KIAA1549L: variants seen among roughly 807,000 people sequenced by gnomAD.
KIAA1549L encodes the protein UPF0606 protein KIAA1549L.
A neutral mutation model predicts 160.7 loss-of-function variants in KIAA1549L; 88 were observed. The observed-to-expected ratio is 0.55, with a 90% CI of 0.46 to 0.65. The LOEUF (loss-of-function observed/expected upper bound fraction) is 0.65, where lower values mean the gene tolerates loss of function less well. KIAA1549L is among the 30% of genes least tolerant of loss of function. KIAA1549L has a pLI of 0.00. For synonymous variants in KIAA1549L, 950 were observed against 976.7 expected (o/e 0.97, Z 0.51); for missense variants, 2,258 against 2,437.5 (o/e 0.93, Z 1.55).
chr11:33,550,956 A>C, intron 4 of KIAA1549L, 84 bp from the exon 5 acceptor site: 1 of 1,072,626 alleles, frequency 9.3e-7, no homozygotes, highest in East Asian at 2.4e-5. Context: ...TGTTTCTAAC[A>C]GCCGTGGTTC....
In KIAA1549L at chr11:33,558,805, A is replaced by G. The variant is rs188048857; in HGVS notation, c.3856-944A>G. Among the ~76,000 whole-genome samples the G allele has an allele frequency of 1.2e-3, 176 of 152,164 alleles. 1 individual carries two copies. Among genetic ancestry groups the G allele is most frequent in the African/African-American group, 4.1e-3 (169 of 41,516 alleles). On this transcript the variant is annotated intron_variant, in intron 6 of 20. Transcript: ENST00000658780. ...AGGAAATGTAATTGCTCTGTAAAGA[A>G]CATACTCTATATTTCTGAATTCCTT...
chr11:33,461,847 A>G (rs1410831028), intron 1 of KIAA1549L, among the ~76,000 whole-genome samples: 1 of 152,210 alleles, frequency 6.6e-6, no homozygotes, highest in Admixed American at 6.5e-5. Flanking sequence ...GTCTAGGATC[A>G]CCCAGCTAGT....
intron 16 of KIAA1549L, among the ~76,000 whole-genome samples, chr11:33,621,095 G>C (rs960387910): frequency 6.6e-6 from 1 of 152,198 alleles, no homozygotes; most frequent in Admixed American, 6.5e-5. Context: ...CTGGGAGATT[G>C]ATTTAATTTT....
intron 11 of KIAA1549L, among the ~76,000 whole-genome samples, chr11:33,590,804 CAT>C (rs149644024): frequency 0.043 from 6,561 of 152,244 alleles, 468 homozygotes; most frequent in African/African-American, 0.15. Context: ...CAAAGTCACA[CAT>C]GTGCTATTAC....
intron 1 of KIAA1549L, among the ~76,000 whole-genome samples, chr11:33,465,081 A>AGT (rs1458504436): frequency 8.8e-6 from 1 of 113,068 alleles, no homozygotes; most frequent in East Asian, 2.6e-4. Flanking sequence ...TTTGAGACAG[A>AGT]GTCTCACTCT....
At chr11:33,501,605 T>C (rs1489830327) in intron 1 of KIAA1549L, among the ~76,000 whole-genome samples, 1 of 152,152 alleles carries the variant, frequency 6.6e-6, no homozygotes, top group African/African-American at 2.4e-5. Context: ...TGTAAATACT[T>C]TGAGATACTT....
chr11:33,493,931 TCC>T (rs1852755860), intron 1 of KIAA1549L, among the ~76,000 whole-genome samples: 1 of 152,184 alleles, frequency 6.6e-6, no homozygotes, highest in Non-Finnish European at 1.5e-5. Context: ...AGCAGTCCTA[TCC>T]CAGGGCAATT....
intron 1 of KIAA1549L, among the ~76,000 whole-genome samples, chr11:33,515,950 A>G (rs1853334003): frequency 6.6e-6 from 1 of 152,174 alleles, no homozygotes; most frequent in African/African-American, 2.4e-5. Flanking sequence ...AGATGCTAGA[A>G]GAAACCTCAG....
At chr11:33,501,444 G>T (rs1852946502) in intron 1 of KIAA1549L, among the ~76,000 whole-genome samples, 2 of 152,164 alleles carry the variant, frequency 1.3e-5, no homozygotes, top group Non-Finnish European at 2.9e-5. Flanking sequence ...TATCATTGCA[G>T]TTCATTTATT....
In KIAA1549L at chr11:33,526,827, G is replaced by T. The variant is rs141794584; in HGVS notation, c.239-14975G>T. ...AGAAATCTCTGAATTGCCACATAAA[G>T]AAGTCAGAAAGTTGATTATTAAGCT... On this transcript the variant is annotated intron_variant, in intron 1 of 20. Transcript: ENST00000658780. 3.3e-5 allele frequency among the ~76,000 whole-genome samples: 5 copies of T among 152,274 alleles called. No homozygotes were observed. In the East Asian group the frequency reaches 5.8e-4, roughly 18 times the overall value.
In KIAA1549L at chr11:33,421,364, A is replaced by C. The variant is rs1406671327; in HGVS notation, c.238+44475A>C. Among the ~76,000 whole-genome samples, 5 of 152,136 alleles carry C rather than the reference A, an allele frequency of 3.3e-5. 1 individual carries two copies. The highest frequency in any genetic ancestry group is 1.2e-4 in the African/African-American group (5 of 41,418). On this transcript the variant is annotated intron_variant, in intron 1 of 20. Transcript: ENST00000658780. The stretch of plus-strand genomic sequence containing the variant: ...TGGGAAGATGGTGTCCCATGACAGG[A>C]GCTTTTAGATTTCTAGAGCCATGCA...
intron 7 of KIAA1549L, 39 bp downstream of exon 7, chr11:33,559,950 CCT>C (rs1854787985): frequency 6.3e-7 from 1 of 1,590,106 alleles, no homozygotes. Flanking sequence ...CAGTGTTTCC[CCT>C]GTGGCCTTTC....
intron 2 of KIAA1549L, 108 bp downstream of exon 2, chr11:33,544,444 T>C: frequency 1.7e-6 from 2 of 1,212,092 alleles, no homozygotes; most frequent in Non-Finnish European, 2.3e-6. Context: ...AGCTTTGCTC[T>C]GAAGGAGCTC....
chr11:33,610,404 T>C lies in KIAA1549L; in HGVS notation c.5279+438T>C, dbSNP rs143128536. 4.1e-4 allele frequency among the ~76,000 whole-genome samples: 63 copies of C among 152,340 alleles called. No homozygotes were observed. In the East Asian group the frequency reaches 9.4e-3, roughly 23 times the overall value. On this transcript the variant is annotated intron_variant, in intron 15 of 20. Transcript: ENST00000658780. The stretch of plus-strand genomic sequence containing the variant: ...TACTTACTGCACAGGTGCTCAGAGC[T>C]CCATGCTGGTTTATCTCATTCATTC...
intron 10 of KIAA1549L, among the ~76,000 whole-genome samples, chr11:33,576,571 C>G (rs1354865257): frequency 6.6e-6 from 1 of 152,108 alleles, no homozygotes; most frequent in Non-Finnish European, 1.5e-5. Flanking sequence ...TCATAGAGGA[C>G]AGGAGTGAAA....
intron 11 of KIAA1549L, 77 bp from the exon 12 acceptor site, chr11:33,591,160 G>T: frequency 9.5e-7 from 1 of 1,047,638 alleles, no homozygotes; most frequent in Non-Finnish European, 1.4e-6. Flanking sequence ...TCTTTTTGCT[G>T]CCTGTCATCT....
intron 2 of KIAA1549L, 63 bp from the exon 3 acceptor site, chr11:33,544,704 A>C (rs1421367240): frequency 2.0e-6 from 3 of 1,528,206 alleles, no homozygotes; most frequent in African/African-American, 2.8e-5. Flanking sequence ...TCCATTCATC[A>C]TCAGAACAAG....
At chr11:33,404,600 A>G (rs1850606570) in intron 1 of KIAA1549L, among the ~76,000 whole-genome samples, 1 of 152,164 alleles carries the variant, frequency 6.6e-6, no homozygotes, top group African/African-American at 2.4e-5. Context: ...ATGGAAAAAA[A>G]TAAAAAGAAA....
intron 1 of KIAA1549L, among the ~76,000 whole-genome samples, chr11:33,478,885 C>T (rs1172635755): frequency 6.6e-6 from 1 of 152,136 alleles, no homozygotes; most frequent in Non-Finnish European, 1.5e-5. Flanking sequence ...CCTGCCTTGG[C>T]CTCCCAAAGT....
Sources: gnomAD v4.1 joint callset for allele counts (sites outside exome capture counted in the v4.1 genomes callset) on GRCh38, gnomAD v4.1.1 for gene constraint, MANE v1.5 for transcripts, NCBI Gene and HGNC (gene_info 2026-07-23, HGNC 2026-07-21) for gene names.